Variants in SPINK13 observed in about 807,000 individuals in gnomAD.
SPINK13 encodes the protein serine protease inhibitor Kazal-type 13.
SPINK13 carries 11 observed loss-of-function variants against 11.0 expected under a neutral mutation model. The ratio of observed to expected loss-of-function variants is 1.00; its 90% CI spans 0.63 to 1.65. The LOEUF (loss-of-function observed/expected upper bound fraction) is 1.65, where lower values mean the gene tolerates loss of function less well. Among genes scored for constraint, SPINK13 ranks in the 40% most tolerant of loss-of-function variants. The pLI is 0.00. For synonymous variants in SPINK13, 31 were observed against 35.6 expected, an observed-to-expected ratio of 0.87 and a Z score of 0.46; for missense variants, 113 against 117.7, an observed-to-expected ratio of 0.96 and a Z score of 0.19.
rs1581164849 is a variant in SPINK13 at position 148,274,531 on chromosome 5, T to G, written c.108+147T>G. 4.8e-5 allele frequency: 30 copies of G among 623,422 alleles called. No homozygotes were observed. In the East Asian group the frequency reaches 8.5e-4, roughly 18 times the overall value. 38.6% of individuals were successfully genotyped at this position (623,422 alleles called of 1,614,324 possible). A position where few individuals can be genotyped will look rare whatever the true frequency, so the allele number is the denominator to read the frequency against. ...GGGAAGCTGAGGCAGGAGGATCACC[T>G]GAGCCCAGGAGTTCAAGGTCGGCCT... On this transcript the variant is annotated intron_variant, in intron 3 of 4. Coordinates refer to ENST00000398450, the MANE Select transcript of SPINK13 (RefSeq NM_001040129.3).
chr5:148,276,872 C>T (rs924456590), intron 3 of SPINK13, among the ~76,000 whole-genome samples: 2 of 152,052 alleles, frequency 1.3e-5, no homozygotes, highest in African/African-American at 2.4e-5. Context: ...TGGGCAGTAT[C>T]GCCATTTTCA....
chr5:148,281,273 C>T (rs1233627356), intron 3 of SPINK13, among the ~76,000 whole-genome samples: 1 of 152,128 alleles, frequency 6.6e-6, no homozygotes, highest in Non-Finnish European at 1.5e-5. Context: ...GGCTTCAGCC[C>T]CCTTTCCAGG....
At chr5:148,285,927 A>G (rs983665013) in intron 4 of SPINK13, 73 bp from the exon 5 acceptor site, 4 of 873,880 alleles carry the variant, frequency 4.6e-6, no homozygotes, top group Non-Finnish European at 7.0e-6. Flanking sequence ...TTTAGAAGAT[A>G]AGGAAAAGTA....
rs958368540 is a variant in SPINK13, at chr5:148,270,126, A to C, written c.54A>C (p.Thr18=). The change falls in exon 2 of 5, where the codon ACA becomes ACC. Residue 18 remains threonine, a synonymous_variant. Transcript: ENST00000398450. ...IIFFLVCSTL[T]HVAFSGIFNK... is the part of the protein sequence containing the mutation. ...TTTTCCTGGTATGCTCTACTTTGAC[A>C]CATGTGGCTTTCTCAGGTGAGTAAC... 5.0e-6 allele frequency: 8 copies of C among 1,613,952 alleles called. No homozygotes were observed. Among genetic ancestry groups the C allele is most frequent in the East Asian group, 4.5e-5 (2 of 44,876 alleles).
intron 4 of SPINK13, among the ~76,000 whole-genome samples, chr5:148,284,022 T>C (rs1039736680): frequency 6.6e-6 from 1 of 152,178 alleles, no homozygotes; most frequent in African/African-American, 2.4e-5. Flanking sequence ...CGGAATGGTG[T>C]TAGCAGCTCA....
intron 2 of SPINK13, among the ~76,000 whole-genome samples, chr5:148,271,502 T>C (rs1360366525): frequency 6.6e-6 from 1 of 152,202 alleles, no homozygotes; most frequent in Non-Finnish European, 1.5e-5. Flanking sequence ...TCAGTTTCAG[T>C]CATTCTAAAT....
intron 2 of SPINK13, among the ~76,000 whole-genome samples, chr5:148,274,057 AG>A (rs1581164642): frequency 6.6e-6 from 1 of 152,220 alleles, no homozygotes; most frequent in East Asian, 1.9e-4. Context: ...AGCCAATAAA[AG>A]TGAAAATAAA....
chr5:148,279,528 T>C (rs1756481869), intron 3 of SPINK13, among the ~76,000 whole-genome samples: 1 of 152,188 alleles, frequency 6.6e-6, no homozygotes, highest in Non-Finnish European at 1.5e-5. Flanking sequence ...TTATTTCTCC[T>C]TCCCTTATGA....
chr5:148,284,136 TTCA>T (rs1186944711), intron 4 of SPINK13, among the ~76,000 whole-genome samples: 2 of 136,726 alleles, frequency 1.5e-5, no homozygotes, highest in African/African-American at 6.5e-5. Flanking sequence ...CCTCTCTTCC[TTCA>T]TCAATTCCTT....
At chr5:148,284,638 A>T (rs528354621) in intron 4 of SPINK13, among the ~76,000 whole-genome samples, 1 of 152,312 alleles carries the variant, frequency 6.6e-6, no homozygotes, top group Middle Eastern at 3.4e-3. Context: ...CAAGAAGAAT[A>T]GTCCTAATGC....
intron 3 of SPINK13, among the ~76,000 whole-genome samples, chr5:148,279,651 T>A (rs753145348): frequency 6.6e-6 from 1 of 152,220 alleles, no homozygotes; most frequent in Admixed American, 6.5e-5. Context: ...AGAGATCCAC[T>A]GTTAGTTTGA....
intron 2 of SPINK13, among the ~76,000 whole-genome samples, chr5:148,272,565 T>C (rs189507466): frequency 8.5e-5 from 13 of 152,292 alleles, no homozygotes; most frequent in African/African-American, 2.9e-4. Flanking sequence ...CTTAGATGCC[T>C]ATATTTCTGG....
At chr5:148,282,460 G>A (rs191314481) in intron 4 of SPINK13, among the ~76,000 whole-genome samples, 17 of 152,248 alleles carry the variant, frequency 1.1e-4, no homozygotes, top group South Asian at 2.1e-4. Flanking sequence ...CTTACATAAT[G>A]TTCTGGGAGA....
At chr5:148,275,298 T>C (rs1756408826) in intron 3 of SPINK13, among the ~76,000 whole-genome samples, 1 of 152,226 alleles carries the variant, frequency 6.6e-6, no homozygotes, top group Non-Finnish European at 1.5e-5. Context: ...TACATGTCCC[T>C]GCAAAGGACA....
At chr5:148,282,686 A>G in intron 4 of SPINK13, among the ~76,000 whole-genome samples, 1 of 152,266 alleles carries the variant, frequency 6.6e-6, no homozygotes, top group Middle Eastern at 3.2e-3. Flanking sequence ...AGATGCAGGT[A>G]TAGATACACA....
chr5:148,280,251 CT>C (rs1756492823), intron 3 of SPINK13, among the ~76,000 whole-genome samples: 1 of 151,952 alleles, frequency 6.6e-6, no homozygotes, highest in Admixed American at 6.6e-5. Context: ...CTCAGAGAAG[CT>C]TGTTATTACC....
intron 3 of SPINK13, 50 bp from the exon 4 acceptor site, chr5:148,282,054 G>A (rs1230880584): frequency 6.2e-7 from 1 of 1,603,716 alleles, no homozygotes; most frequent in Non-Finnish European, 8.5e-7. Context: ...GGAAGAAATA[G>A]ATGGGAGAGA....
chr5:148,281,055 G>A (rs1428662887), intron 3 of SPINK13, among the ~76,000 whole-genome samples: 1 of 152,170 alleles, frequency 6.6e-6, no homozygotes, highest in Non-Finnish European at 1.5e-5. Flanking sequence ...CACCCAGTCG[G>A]AACTTCCCAG....
At chr5:148,278,738 T>C (rs184595412) in intron 3 of SPINK13, among the ~76,000 whole-genome samples, 4 of 152,330 alleles carry the variant, frequency 2.6e-5, no homozygotes, top group Admixed American at 2.0e-4. Context: ...GAGAAGAATG[T>C]ATATTTTGTT....
Sources: gnomAD v4.1 joint callset for allele counts (sites outside exome capture counted in the v4.1 genomes callset) on GRCh38, gnomAD v4.1.1 for gene constraint, MANE v1.5 for transcripts, NCBI Gene and HGNC (gene_info 2026-07-23, HGNC 2026-07-21) for gene names.